Variants in ADAM12 observed in about 807,000 individuals in gnomAD.
ADAM12 encodes ADAM metallopeptidase domain 12, also known as disintegrin and metalloproteinase domain-containing protein 12.
In ADAM12, 70 loss-of-function variants were observed where a neutral mutation model predicts 106.4. That is an observed-to-expected ratio of 0.66 (90% CI 0.54 to 0.80). ADAM12 has a LOEUF of 0.80. Among genes scored for constraint, ADAM12 ranks in the 30% least tolerant of loss-of-function variants. The pLI is 0.00. For synonymous variants in ADAM12, 420 were observed against 433.5 expected (o/e 0.97, Z 0.39); for missense variants, 1,010 against 1,171.9 (o/e 0.86, Z 2.02).
At chr10:126,042,457 T>C (rs1243222619) in intron 18 of ADAM12, among the ~76,000 whole-genome samples, 2 of 152,172 alleles carry the variant, frequency 1.3e-5, no homozygotes, top group African/African-American at 4.8e-5. Flanking sequence ...TTAACTTCCC[T>C]GAGCCTCAGG....
chr10:126,132,534 C>A (rs561219767), intron 5 of ADAM12, among the ~76,000 whole-genome samples: 7 of 139,420 alleles, frequency 5.0e-5, no homozygotes, highest in Admixed American at 3.6e-4. Flanking sequence ...ACCCCCCCCC[C>A]CTCAACTAGT....
chr10:126,178,913 G>A (rs1032286313), intron 3 of ADAM12, among the ~76,000 whole-genome samples: 3 of 152,112 alleles, frequency 2.0e-5, no homozygotes, highest in Non-Finnish European at 4.4e-5. Context: ...CAGGTGTGGT[G>A]GTGCATGCCT....
chr10:126,182,730 A>G (rs937212636), intron 3 of ADAM12, among the ~76,000 whole-genome samples: 2 of 152,188 alleles, frequency 1.3e-5, no homozygotes, highest in African/African-American at 4.8e-5. Flanking sequence ...GGTGGGCTTG[A>G]GGAGTGTAGC....
chr10:126,364,637 T>C (rs779665866), intron 1 of ADAM12, among the ~76,000 whole-genome samples: 25 of 152,292 alleles, frequency 1.6e-4, no homozygotes, highest in Middle Eastern at 3.4e-3. Context: ...TTCCAAATTA[T>C]GGCTCACAAA....
chr10:126,019,382 G>C (rs1287071478), intron 22 of ADAM12, among the ~76,000 whole-genome samples: 1 of 134,726 alleles, frequency 7.4e-6, no homozygotes, highest in Non-Finnish European at 1.7e-5. Context: ...CATGCTACTT[G>C]GTAGCTCCTC....
intron 14 of ADAM12, among the ~76,000 whole-genome samples, chr10:126,063,341 G>A (rs1178709581): frequency 1.3e-5 from 2 of 152,202 alleles, no homozygotes; most frequent in African/African-American, 4.8e-5. Flanking sequence ...AGGGGACATG[G>A]GCCTCCCAGC....
In ADAM12 at chr10:126,216,447, G is replaced by A. The variant is rs183306794; in HGVS notation, c.261-61142C>T. 2.4e-3 allele frequency among the ~76,000 whole-genome samples: 364 copies of A among 152,292 alleles called. 2 individuals carry two copies. Among genetic ancestry groups the A allele is most frequent in the African/African-American group, 8.4e-3 (347 of 41,554 alleles). On this transcript the variant is annotated intron_variant, in intron 3 of 22. Coordinates refer to ENST00000448723, the MANE Select transcript of ADAM12 (RefSeq NM_001288973.2). ...TTGTTTCCCAACTGTTACAGAGCTCGAAAGCTCTCAATTTCGCCCCTGCCA... is the reference window on the plus strand; with the variant it reads ...TTGTTTCCCAACTGTTACAGAGCTCAAAAGCTCTCAATTTCGCCCCTGCCA...
intron 11 of ADAM12, among the ~76,000 whole-genome samples, chr10:126,077,807 A>G (rs116081100): frequency 2.0e-5 from 3 of 151,878 alleles, no homozygotes; most frequent in African/African-American, 7.3e-5. Context: ...TTATTCCCCC[A>G]CCTTTTTATT....
chr10:126,362,179 T>C (rs1189284993), intron 1 of ADAM12, among the ~76,000 whole-genome samples: 1 of 151,876 alleles, frequency 6.6e-6, no homozygotes, highest in South Asian at 2.1e-4. Context: ...AACAGATATA[T>C]GAAAAAAAGT....
intron 1 of ADAM12, among the ~76,000 whole-genome samples, chr10:126,374,004 A>C (rs1166666129): frequency 6.6e-6 from 1 of 152,192 alleles, no homozygotes; most frequent in Non-Finnish European, 1.5e-5. Context: ...TTCCCAAGTC[A>C]CCAGGGCTAG....
At chr10:126,080,251 C>T (rs1955186712) in intron 11 of ADAM12, among the ~76,000 whole-genome samples, 1 of 152,156 alleles carries the variant, frequency 6.6e-6, no homozygotes, top group Admixed American at 6.5e-5. Flanking sequence ...GGTAGTTGCT[C>T]ATGACATCAA....
intron 11 of ADAM12, among the ~76,000 whole-genome samples, chr10:126,080,217 T>C (rs1955186235): frequency 6.6e-6 from 1 of 152,178 alleles, no homozygotes; most frequent in African/African-American, 2.4e-5. Flanking sequence ...GGAGCATCCA[T>C]GAAAAGAACA....
At chr10:126,380,450 C>T (rs753417091) in intron 1 of ADAM12, among the ~76,000 whole-genome samples, 2 of 152,196 alleles carry the variant, frequency 1.3e-5, no homozygotes, top group Non-Finnish European at 2.9e-5. Context: ...TGCCTTGCCT[C>T]TGACACTGCT....
intron 3 of ADAM12, among the ~76,000 whole-genome samples, chr10:126,175,517 G>A (rs1352800871): frequency 1.1e-4 from 16 of 152,136 alleles, no homozygotes; most frequent in Admixed American, 9.8e-4. Context: ...GCATCAAGTC[G>A]ATTTTCCTTT....
At chr10:126,055,030 G>A (rs1243250820) in intron 14 of ADAM12, among the ~76,000 whole-genome samples, 1 of 152,150 alleles carries the variant, frequency 6.6e-6, no homozygotes, top group African/African-American at 2.4e-5. Context: ...GGAGACTGTG[G>A]GCTAACCAGA....
intron 3 of ADAM12, among the ~76,000 whole-genome samples, chr10:126,187,157 C>T (rs1012570715): frequency 2.0e-5 from 3 of 151,998 alleles, no homozygotes; most frequent in African/African-American, 7.3e-5. Context: ...ATCTCTGTAT[C>T]GTGGGAATTA....
At chr10:126,106,486 CTTTTT>C (rs533243635) in intron 8 of ADAM12, among the ~76,000 whole-genome samples, 125 of 115,942 alleles carry the variant, frequency 1.1e-3, no homozygotes, top group African/African-American at 4.2e-3. Flanking sequence ...TCTTCTTCTT[CTTTTT>C]TTTTTTTTTT....
At chr10:126,358,485 A>C (rs190261804) in intron 1 of ADAM12, among the ~76,000 whole-genome samples, 1 of 152,328 alleles carries the variant, frequency 6.6e-6, no homozygotes, top group East Asian at 1.9e-4. Context: ...GCATAGAAGA[A>C]ATGTACCTTA....
intron 2 of ADAM12, among the ~76,000 whole-genome samples, chr10:126,287,973 G>A (rs145212572): frequency 5.7e-4 from 87 of 151,950 alleles, no homozygotes; most frequent in African/African-American, 1.9e-3. Context: ...GTAGGATGAA[G>A]GGTACAGGCA....
Sources: allele counts gnomAD v4.1 joint callset (sites outside exome capture counted in the v4.1 genomes callset), GRCh38; gene constraint gnomAD v4.1.1; transcripts MANE v1.5; gene names NCBI Gene and HGNC (gene_info 2026-07-23, HGNC 2026-07-21).